SBNO1: variants seen among roughly 807,000 people sequenced by gnomAD.
The protein encoded by SBNO1 is strawberry notch homolog 1.
Under a neutral mutation model 173.6 loss-of-function variants are expected in SBNO1, and 23 were observed. That is an observed-to-expected ratio of 0.13 (90% CI 0.10 to 0.19). The LOEUF (loss-of-function observed/expected upper bound fraction) is 0.19, where lower values mean the gene tolerates loss of function less well. SBNO1 is among the 10% of genes least tolerant of loss of function. The pLI, the probability that SBNO1 is intolerant of heterozygous loss-of-function variation, is 1.00. For synonymous variants in SBNO1, 632 were observed against 571.5 expected (o/e 1.11, Z -1.51); for missense variants, 1,238 against 1,671.2 (o/e 0.74, Z 4.52).
At chr12:123,362,161 G>A in intron 1 of SBNO1, among the ~76,000 whole-genome samples, 1 of 149,826 alleles carries the variant, frequency 6.7e-6, no homozygotes, top group East Asian at 2.0e-4. Flanking sequence ...ATTCTGTTGG[G>A]CGTGGTGGCT....
chr12:123,315,315 C>G, intron 23 of SBNO1, 58 bp downstream of exon 23: 1 of 1,340,460 alleles, frequency 7.5e-7, no homozygotes, highest in Non-Finnish European at 1.1e-6. Flanking sequence ...CTTTTGTGTT[C>G]CCGAAAGACA....
At chr12:123,332,077 C>T (rs1314595281) in intron 7 of SBNO1, among the ~76,000 whole-genome samples, 2 of 151,988 alleles carry the variant, frequency 1.3e-5, no homozygotes, top group Non-Finnish European at 2.9e-5. Flanking sequence ...TCTCGATCTC[C>T]TGACCTCATG....
At position 123,313,647 on chromosome 12, in the gene SBNO1, GA is replaced by G; in HGVS notation, c.3192del (p.Pro1065GlnfsTer15). 1 of 1,599,524 alleles carries G rather than the reference GA, an allele frequency of 6.3e-7. No individual in the cohort carries two copies. On this transcript the variant is annotated frameshift_variant, in exon 24 of 32. Transcript: ENST00000602398. LOFTEE classifies it high-confidence loss of function. ...TTAAAAAATTCTCCAGGATAGTCTG[GA>G]GGTGGTGATACCATAGGAGAATCCA... ...VNLDSPMVSPPPDYPGEFFKD... is the reference protein window; with the variant it reads ...VNLDSPMVSPXPDYPGEFFKD...
chr12:123,357,993 T>C (rs921008134), intron 1 of SBNO1, among the ~76,000 whole-genome samples: 2 of 152,166 alleles, frequency 1.3e-5, no homozygotes, highest in Non-Finnish European at 2.9e-5. Flanking sequence ...ATTCAGATGG[T>C]CAATTGTCTT....
rs114690036 is a variant in SBNO1 at position 123,332,232 on chromosome 12, G to A, written c.910-857C>T. 5.1e-3 allele frequency among the ~76,000 whole-genome samples: 781 copies of A among 152,286 alleles called. 4 individuals are homozygous for A. The highest frequency in any genetic ancestry group is 0.017 in the African/African-American group (702 of 41,546). ...CCAGGTAATGAAAGTTAACAAATTA[G>A]TGAGGAGCCCGCCATACCCCTTATC... On this transcript the variant is annotated intron_variant, in intron 7 of 31. Transcript: ENST00000602398.
chr12:123,331,468 G>GTTATA, intron 7 of SBNO1, 93 bp from the exon 8 acceptor site: 2 of 560,540 alleles, frequency 3.6e-6, no homozygotes, highest in South Asian at 2.7e-5. Flanking sequence ...AATATGTTAT[G>GTTATA]TTTTTTGTTT....
intron 1 of SBNO1, among the ~76,000 whole-genome samples, chr12:123,351,250 C>A (rs546314276): frequency 6.6e-6 from 1 of 152,260 alleles, no homozygotes; most frequent in South Asian, 2.1e-4. Flanking sequence ...GCCCTGTACA[C>A]CATGCTGGAG....
chr12:123,308,277 G>C (rs906410734), intron 28 of SBNO1, among the ~76,000 whole-genome samples: 3 of 152,058 alleles, frequency 2.0e-5, no homozygotes, highest in African/African-American at 7.2e-5. Flanking sequence ...AATCATAACT[G>C]AAAGAATGTA....
rs1870870824 is a variant in SBNO1, at chr12:123,328,905, A to C, written c.1135-10T>G. 1.4e-6 allele frequency: 2 copies of C among 1,465,060 alleles called. No homozygotes were observed. The highest frequency in any genetic ancestry group is 2.5e-5 in the South Asian group (2 of 79,462). The allele number at this position is 1,465,060 out of a possible 1,614,324, so 90.8% of individuals were successfully genotyped here. On this transcript the variant is annotated splice_polypyrimidine_tract_variant and intron_variant, in intron 9 of 31. Coordinates refer to ENST00000602398, the MANE Select transcript of SBNO1 (RefSeq NM_001167856.3). ...TTTTTCCGTATTTAAACTAAAAAAG[A>C]AAAGAAAAGAATTTAGTTAATTAGT...
At chr12:123,324,457 G>C (rs1019876382) in intron 15 of SBNO1, among the ~76,000 whole-genome samples, 32 of 151,950 alleles carry the variant, frequency 2.1e-4, no homozygotes, top group African/African-American at 7.5e-4. Context: ...CAGTAGCTGG[G>C]ATTACAGGTG....
At chr12:123,350,586 G>A (rs1252134521) in intron 1 of SBNO1, 145 bp from the exon 2 acceptor site, 5 of 685,488 alleles carry the variant, frequency 7.3e-6, no homozygotes, top group Non-Finnish European at 1.2e-5. Context: ...AGACAAAGAG[G>A]ATAAAAGAGA....
chr12:123,362,422 C>T lies in SBNO1; in HGVS notation c.-1+2279G>A, dbSNP rs1314863931. ...CTGCACTCCAGCCTGGGCCACTGAG[C>T]GAGACTCCGTCTCAAAAAAAAAAAA... On this transcript the variant is annotated intron_variant, in intron 1 of 31. Coordinates refer to ENST00000602398, the MANE Select transcript of SBNO1 (RefSeq NM_001167856.3). Among the ~76,000 whole-genome samples, 5 of 111,632 alleles carry T rather than the reference C, an allele frequency of 4.5e-5. No homozygotes were observed. In the Admixed American group the frequency reaches 6.6e-4, roughly 15 times the overall value. The allele number at this position is 111,632 out of a possible 152,430, so 73.2% of individuals were successfully genotyped here.
chr12:123,296,156 G>A (rs773814186), intron 31 of SBNO1, 106 bp from the exon 32 acceptor site: 84 of 632,862 alleles, frequency 1.3e-4, no homozygotes, highest in Non-Finnish European at 2.1e-4. Flanking sequence ...TAATGGACAA[G>A]AAGTTCACAC....
intron 14 of SBNO1, 37 bp downstream of exon 14, chr12:123,326,115 A>AC (rs111400678): frequency 0.96 from 1,372,585 of 1,435,724 alleles, 657,269 homozygotes; most frequent in Non-Finnish European, 0.96. Context: ...AAACAACATA[A>AC]CCCCCAAACA....
intron 28 of SBNO1, 138 bp from the exon 29 acceptor site, chr12:123,304,857 A>C: frequency 1.6e-6 from 1 of 624,090 alleles, no homozygotes. Context: ...AAAAGGACCG[A>C]AAATGCTTGT....
At chr12:123,296,177 C>T (rs1001717673) in intron 31 of SBNO1, 127 bp from the exon 32 acceptor site, 9 of 607,408 alleles carry the variant, frequency 1.5e-5, no homozygotes, top group Admixed American at 8.4e-5. Context: ...AAAAATTAAA[C>T]GACTACCTAA....
At chr12:123,305,624 C>T (rs1228002416) in intron 28 of SBNO1, among the ~76,000 whole-genome samples, 1 of 152,096 alleles carries the variant, frequency 6.6e-6, no homozygotes, top group Non-Finnish European at 1.5e-5. Flanking sequence ...CAGGTACTCA[C>T]CACCATGCCT....
rs1490460134 is a variant in SBNO1 at position 123,348,082 on chromosome 12, G to C, written c.184C>G (p.Pro62Ala). The C allele has an allele frequency of 1.2e-6, 2 of 1,612,086 alleles. No individual in the cohort carries two copies. Among genetic ancestry groups the C allele is most frequent in the South Asian group, 2.2e-5 (2 of 91,040 alleles). The change falls in exon 3 of 32, where the codon CCT becomes GCT. Residue 62 changes from proline to alanine, a missense_variant. Physicochemically the swap from Pro to Ala is conservative, Grantham distance 27. Transcript: ENST00000602398. ...ELGLETEAAVPVKQEPETVPT... is the reference protein window; with the variant it reads ...ELGLETEAAVAVKQEPETVPT... ...ACAGTCTCTGGTTCTTGTTTAACAG[G>C]AACTGCTGCTTCGGTCTCCAAACCT...
intron 7 of SBNO1, among the ~76,000 whole-genome samples, chr12:123,331,876 C>T (rs555021979): frequency 5.9e-5 from 9 of 151,620 alleles, no homozygotes; most frequent in African/African-American, 1.9e-4. Flanking sequence ...TTTTTTGAAA[C>T]GGGGTCTCGC....
Sources: gnomAD v4.1 joint callset for allele counts (sites outside exome capture counted in the v4.1 genomes callset) on GRCh38, gnomAD v4.1.1 for gene constraint, MANE v1.5 for transcripts, NCBI Gene and HGNC (gene_info 2026-07-23, HGNC 2026-07-21) for gene names.